The following ANXA8L1 variants were observed in gnomAD, a reference collection of about 807,000 sequenced individuals.
The protein encoded by ANXA8L1 is annexin A8 like 1.
ANXA8L1 carries 10 observed loss-of-function variants against 22.5 expected under a neutral mutation model. The observed-to-expected ratio is 0.44, with a 90% CI of 0.27 to 0.75. ANXA8L1 has a LOEUF of 0.75. Ranked by LOEUF, ANXA8L1 falls within the 30% of genes least tolerant of loss-of-function variation. ANXA8L1 has a pLI of 0.15. For missense variants in ANXA8L1, 88 were observed against 219.6 expected, an observed-to-expected ratio of 0.40 and a Z score of 3.79; for synonymous variants, 36 against 86.0, an observed-to-expected ratio of 0.42 and a Z score of 3.22.
chr10:46,390,447 G>A lies in ANXA8L1; in HGVS notation c.925-424G>A, dbSNP rs1464992205. ...GATGGTCCAGGCTCCCTCCACCCCC[G>A]GCCCTGCTCCCAGGTGTGTGCTGAT... is the stretch of plus-strand genomic sequence containing the variant. On this transcript the variant is annotated intron_variant, in intron 11 of 11. Transcript: ENST00000619162. 1.8e-5 allele frequency among the ~76,000 whole-genome samples: 2 copies of A among 111,304 alleles called. 1 individual carries two copies. The highest frequency in any genetic ancestry group is 3.7e-5 in the Non-Finnish European group (2 of 53,360). The allele number at this position is 111,304 out of a possible 152,430, so 73.0% of individuals were successfully genotyped here. A position where few individuals can be genotyped will look rare whatever the true frequency, so the allele number is the denominator to read the frequency against.
At chr10:46,378,806 C>T (rs1451629327) in intron 1 of ANXA8L1, among the ~76,000 whole-genome samples, 1 of 100,676 alleles carries the variant, frequency 9.9e-6, no homozygotes. Context: ...ACCTCTTACT[C>T]AAAGGAAAGA....
chr10:46,384,830 A>G lies in ANXA8L1; in HGVS notation c.549A>G (p.Ala183=). The change falls in exon 7 of 12, where the codon GCA becomes GCG. Residue 183 remains alanine, a synonymous_variant. Coordinates refer to ENST00000619162, the MANE Select transcript of ANXA8L1 (RefSeq NM_001098845.3). ...ACCCGGCACTGGCCCTCCAAGACGC[A>G]CAGGTGAGGCTGCGCCCAGCCGGCC... ...FVDPALALQD[A]QDLYAAGEKI... 6.2e-7 allele frequency: 1 copy of G among 1,612,904 alleles called. No individual in the cohort carries two copies. Among genetic ancestry groups the G allele is most frequent in the Non-Finnish European group, 8.5e-7 (1 of 1,179,810 alleles).
intron 7 of ANXA8L1, 77 bp downstream of exon 7, chr10:46,384,910 T>C: frequency 6.2e-7 from 1 of 1,603,806 alleles, no homozygotes; most frequent in Admixed American, 1.7e-5. Flanking sequence ...ACGGGGGCTT[T>C]CTCTGACACT....
At chr10:46,389,885 AG>A (rs1840058457) in intron 11 of ANXA8L1, among the ~76,000 whole-genome samples, 1 of 151,518 alleles carries the variant, frequency 6.6e-6, no homozygotes, top group Non-Finnish European at 1.5e-5. Context: ...GTGTCTAGAA[AG>A]GAAAAAGTTA....
intron 7 of ANXA8L1, 133 bp downstream of exon 7, chr10:46,384,966 T>G: frequency 7.1e-7 from 1 of 1,408,424 alleles, no homozygotes; most frequent in South Asian, 1.2e-5. Flanking sequence ...CTTTGTCCTG[T>G]GGTGTCTGGG....
At chr10:46,377,845 C>G (rs1251932321) in intron 1 of ANXA8L1, among the ~76,000 whole-genome samples, 3 of 121,634 alleles carry the variant, frequency 2.5e-5, no homozygotes, top group Non-Finnish European at 3.5e-5. Flanking sequence ...GTGCCTGTCA[C>G]AGAACAAGTT....
rs1476943002 is a variant in ANXA8L1 at position 46,390,079 on chromosome 10, C to T, written c.925-792C>T. 4.0e-5 allele frequency among the ~76,000 whole-genome samples: 6 copies of T among 149,992 alleles called. 1 individual carries two copies. The highest frequency in any genetic ancestry group is 8.9e-5 in the Non-Finnish European group (6 of 67,560). On this transcript the variant is annotated intron_variant, in intron 11 of 11. Coordinates refer to ENST00000619162, the MANE Select transcript of ANXA8L1 (RefSeq NM_001098845.3). ...CCGTTGTGAATGAATTCACTCCCCT[C>T]TCTTGGCCCCGCTGTCCTCAACTGC...
chr10:46,389,572 A>G (rs1341334346), intron 11 of ANXA8L1, among the ~76,000 whole-genome samples: 1 of 151,186 alleles, frequency 6.6e-6, no homozygotes, highest in African/African-American at 2.5e-5. Context: ...ATTAAAGCAA[A>G]AATGGTTTTC....
At chr10:46,389,858 G>A (rs1554975297) in intron 11 of ANXA8L1, among the ~76,000 whole-genome samples, 1 of 151,416 alleles carries the variant, frequency 6.6e-6, no homozygotes, top group African/African-American at 2.4e-5. Context: ...CTCCAGCCTG[G>A]GTGACAGAGT....
At chr10:46,390,356 G>A (rs115627825) in intron 11 of ANXA8L1, among the ~76,000 whole-genome samples, 1,363 of 130,844 alleles carry the variant, frequency 0.01, 16 homozygotes, top group African/African-American at 0.04. Flanking sequence ...GCACAGCATT[G>A]ATCTCATTTC....
intron 1 of ANXA8L1, among the ~76,000 whole-genome samples, chr10:46,376,630 C>A (rs1839932790): frequency 6.9e-6 from 1 of 145,822 alleles, no homozygotes; most frequent in Non-Finnish European, 1.5e-5. Flanking sequence ...AGCCCATGCC[C>A]AGCAGAACTG....
chr10:46,376,980 T>C (rs1839936631), intron 1 of ANXA8L1, among the ~76,000 whole-genome samples: 2 of 113,764 alleles, frequency 1.8e-5, no homozygotes, highest in African/African-American at 3.0e-5. Context: ...GGATCATAGA[T>C]GTCGCAACCC....
rs1840028305 is a variant in ANXA8L1, at chr10:46,385,648, T to C, written c.647-64T>C. 3.0e-5 allele frequency: 9 copies of C among 304,440 alleles called. 1 individual carries two copies. The highest frequency in any genetic ancestry group is 5.7e-5 in the Non-Finnish European group (9 of 159,044). The allele number at this position is 304,440 out of a possible 1,614,324, so 18.9% of individuals were successfully genotyped here. A position where few individuals can be genotyped will look rare whatever the true frequency, so the allele number is the denominator to read the frequency against. ...CGGCAAATTGATGTGCGATCTCTGA[T>C]CCGAGACACTGAGGGGCATCACGAG... On this transcript the variant is annotated intron_variant, in intron 8 of 11. Transcript: ENST00000619162.
At chr10:46,381,365 A>G in intron 3 of ANXA8L1, 125 bp downstream of exon 3, 2 of 1,085,824 alleles carry the variant, frequency 1.8e-6, no homozygotes, top group Non-Finnish European at 2.6e-6. Flanking sequence ...GGGCACATGG[A>G]ACCTGTTTGC....
chr10:46,384,905 G>C lies in ANXA8L1; in HGVS notation c.552+72G>C, dbSNP rs1465838480. On this transcript the variant is annotated intron_variant, in intron 7 of 11. Coordinates refer to ENST00000619162, the MANE Select transcript of ANXA8L1 (RefSeq NM_001098845.3). ...GGACTCCGGCTCCTCTGCCCACGGG[G>C]GCTTTCTCTGACACTGGGCTGGGAC... The C allele has an allele frequency of 1.3e-4, 203 of 1,605,824 alleles. 1 individual carries two copies. In the African/African-American group the frequency reaches 2.5e-3, roughly 20 times the overall value.
chr10:46,390,055 C>T (rs1357333440), intron 11 of ANXA8L1, among the ~76,000 whole-genome samples: 2 of 150,128 alleles, frequency 1.3e-5, no homozygotes, highest in Non-Finnish European at 3.0e-5. Flanking sequence ...CTCACCATGC[C>T]GTTGTGAATG....
At chr10:46,384,943 G>C (rs1793234399) in intron 7 of ANXA8L1, 110 bp downstream of exon 7, 4 of 1,530,328 alleles carry the variant, frequency 2.6e-6, no homozygotes, top group Non-Finnish European at 3.6e-6. Flanking sequence ...ACCCAGCTCA[G>C]CTCCCTATAG....
At chr10:46,383,264 C>T (rs1839998366) in intron 4 of ANXA8L1, among the ~76,000 whole-genome samples, 192 bp from the exon 5 acceptor site, 1 of 150,758 alleles carries the variant, frequency 6.6e-6, no homozygotes, top group Admixed American at 6.6e-5. Context: ...ACAGGGCTTC[C>T]CCGTCACAGC....
intron 11 of ANXA8L1, among the ~76,000 whole-genome samples, chr10:46,390,088 C>T (rs1188719976): frequency 6.7e-5 from 10 of 149,828 alleles, no homozygotes; most frequent in African/African-American, 2.5e-4. Context: ...TCTCTTGGCC[C>T]CGCTGTCCTC....
Sources: allele counts gnomAD v4.1 joint callset (sites outside exome capture counted in the v4.1 genomes callset), GRCh38; gene constraint gnomAD v4.1.1; transcripts MANE v1.5; gene names NCBI Gene and HGNC (gene_info 2026-07-23, HGNC 2026-07-21).